The following PAPPA2 variants were observed in gnomAD, a reference collection of about 807,000 sequenced individuals.
PAPPA2 encodes pappalysin 2, also known as pappalysin-2.
A neutral mutation model predicts 176.4 loss-of-function variants in PAPPA2; 86 were observed. That is an observed-to-expected ratio of 0.49 (90% CI 0.41 to 0.58). The LOEUF (loss-of-function observed/expected upper bound fraction) is 0.58. Among genes scored for constraint, PAPPA2 ranks in the 20% least tolerant of loss-of-function variants. PAPPA2 has a pLI of 0.00. For synonymous variants in PAPPA2, 809 were observed against 852.2 expected (o/e 0.95, Z 0.88); for missense variants, 2,073 against 2,256.9 (o/e 0.92, Z 1.65).
intron 6 of PAPPA2, among the ~76,000 whole-genome samples, chr1:176,693,271 T>C (rs1660209204): frequency 1.3e-5 from 2 of 152,230 alleles, no homozygotes; most frequent in South Asian, 2.1e-4. Context: ...TTGTCTTATT[T>C]AGTCTTTGCA....
chr1:176,666,722 A>T (rs1658677265), intron 3 of PAPPA2, among the ~76,000 whole-genome samples: 1 of 151,992 alleles, frequency 6.6e-6, no homozygotes, highest in African/African-American at 2.4e-5. Context: ...ACTAAGAGTC[A>T]TGAAGATAGG....
At chr1:176,829,013 A>G (rs1369471625) in intron 21 of PAPPA2, among the ~76,000 whole-genome samples, 1 of 152,100 alleles carries the variant, frequency 6.6e-6, no homozygotes, top group Non-Finnish European at 1.5e-5. Flanking sequence ...AAAAAAATAA[A>G]TAAATAAATA....
intron 8 of PAPPA2, among the ~76,000 whole-genome samples, chr1:176,701,668 G>C (rs180820815): frequency 6.6e-6 from 1 of 152,280 alleles, no homozygotes; most frequent in Admixed American, 6.5e-5. Flanking sequence ...GAGTTGAAAA[G>C]TCTGTTAAAG....
rs56206580 is a variant in PAPPA2 at position 176,481,252 on chromosome 1, GCACACACACACACACA to G, written c.-917+17867_-917+17882del. ...TTGATTTAAGCGCTGAGATTTTAAA[GCACACACACACACACA>G]CACACACACACACACACACACACAC... On this transcript the variant is annotated intron_variant, in intron 1 of 22. Transcript: ENST00000367662. Among the ~76,000 whole-genome samples the G allele has an allele frequency of 3.7e-3, 520 of 140,310 alleles. 3 individuals are homozygous for G. Among genetic ancestry groups the G allele is most frequent in the African/African-American group, 9.7e-3 (377 of 38,708 alleles). 92.0% of individuals were successfully genotyped at this position (140,310 alleles called of 152,430 possible).
intron 3 of PAPPA2, among the ~76,000 whole-genome samples, chr1:176,611,369 A>G (rs892009213): frequency 1.3e-5 from 2 of 152,220 alleles, no homozygotes; most frequent in African/African-American, 4.8e-5. Context: ...ATTATGGGGC[A>G]TTCACAGTCC....
chr1:176,688,437 G>A (rs917119562), intron 4 of PAPPA2, among the ~76,000 whole-genome samples: 4 of 152,116 alleles, frequency 2.6e-5, no homozygotes, highest in African/African-American at 9.7e-5. Context: ...TGTTTCTCCA[G>A]GTTTATTCAA....
intron 1 of PAPPA2, among the ~76,000 whole-genome samples, chr1:176,545,066 A>G (rs1405126800): frequency 6.6e-6 from 1 of 152,154 alleles, no homozygotes; most frequent in Admixed American, 6.6e-5. Context: ...TGATTAAATC[A>G]TTAGCCGTTG....
chr1:176,468,842 T>C (rs1339737812), intron 1 of PAPPA2, among the ~76,000 whole-genome samples: 1 of 152,232 alleles, frequency 6.6e-6, no homozygotes, highest in East Asian at 1.9e-4. Context: ...TTGGGACATA[T>C]ATCCTTTAAA....
intron 3 of PAPPA2, among the ~76,000 whole-genome samples, chr1:176,601,792 C>G (rs925399340): frequency 8.5e-5 from 13 of 152,200 alleles, no homozygotes; most frequent in African/African-American, 3.1e-4. Context: ...AACTTGTCTT[C>G]CCTGACCTTT....
chr1:176,574,188 T>C (rs757134709), intron 2 of PAPPA2, among the ~76,000 whole-genome samples: 13 of 152,148 alleles, frequency 8.5e-5, no homozygotes, highest in Non-Finnish European at 1.6e-4. Flanking sequence ...GTTGAAGATA[T>C]AGGCCTATAT....
rs1047939492 is a variant in PAPPA2 at position 176,843,794 on chromosome 1, G to A, written c.*1340G>A. On this transcript the variant is annotated 3_prime_UTR_variant, in exon 23 of 23. Transcript: ENST00000367662. ...TTCCAAGTCTCCAAAGAAGACCAAA[G>A]TGGGTCCCTTGAGCAATGAAGAATC... is the stretch of plus-strand genomic sequence containing the variant. The A allele has an allele frequency of 6.6e-6, 1 of 152,108 alleles. No homozygotes were observed. Among genetic ancestry groups the A allele is most frequent in the Non-Finnish European group, 1.5e-5 (1 of 68,020 alleles). The allele number at this position is 152,108 out of a possible 1,614,324, so 9.4% of individuals were successfully genotyped here.
At chr1:176,471,976 A>G (rs1651899803) in intron 1 of PAPPA2, among the ~76,000 whole-genome samples, 1 of 152,322 alleles carries the variant, frequency 6.6e-6, no homozygotes, top group South Asian at 2.1e-4. Context: ...TGGGTGGCAC[A>G]TTAGAAAGTA....
At chr1:176,603,019 G>A (rs967729672) in intron 3 of PAPPA2, among the ~76,000 whole-genome samples, 3 of 152,166 alleles carry the variant, frequency 2.0e-5, no homozygotes, top group Non-Finnish European at 4.4e-5. Context: ...CTGGGGAGTG[G>A]TGACTGTTTT....
intron 3 of PAPPA2, among the ~76,000 whole-genome samples, chr1:176,634,349 C>G (rs1656535616): frequency 6.6e-6 from 1 of 152,068 alleles, no homozygotes; most frequent in Admixed American, 6.5e-5. Flanking sequence ...GACAAAAAAC[C>G]AAACACTGCA....
In PAPPA2 at chr1:176,692,368, T is replaced by G. The variant is rs756570079; in HGVS notation, c.2624+50T>G. On this transcript the variant is annotated intron_variant, in intron 6 of 22. Transcript: ENST00000367662. ...GAGCTGGCTTATTTCTCTGTGGCAT[T>G]TCATATGAATGAGGGGAAGAATATG... The G allele has an allele frequency of 1.3e-5, 19 of 1,495,772 alleles. No individual in the cohort carries two copies. In the South Asian group the frequency reaches 2.3e-4, roughly 18 times the overall value. 92.7% of individuals were successfully genotyped at this position (1,495,772 alleles called of 1,614,324 possible).
At position 176,710,108 on chromosome 1, in the gene PAPPA2, G is replaced by C; in HGVS notation, c.3583G>C (p.Ala1195Pro). 1 of 1,613,838 alleles carries C rather than the reference G, an allele frequency of 6.2e-7. No individual in the cohort carries two copies. Among genetic ancestry groups the C allele is most frequent in the Non-Finnish European group, 8.5e-7 (1 of 1,179,822 alleles). ...KGYLDQWATR[A>P]YSSHEDKKKC... ...ATACTTGGATCAATGGGCTACCCGGGCTTACTCCTCTCATGAAGACAAGAA... is the reference window on the plus strand; with the variant it reads ...ATACTTGGATCAATGGGCTACCCGGCCTTACTCCTCTCATGAAGACAAGAA... Residue 1195 changes from alanine (A) to proline (P), a missense_variant, in exon 11 of 23, where the codon GCT becomes CCT. Around this residue, in one of 4 missense-constraint regions of PAPPA2, gnomAD observed 846 missense variants for 857.9 expected, o/e 0.99. Transcript: ENST00000367662.
chr1:176,477,127 A>C (rs1652165872), intron 1 of PAPPA2, among the ~76,000 whole-genome samples: 1 of 152,182 alleles, frequency 6.6e-6, no homozygotes, highest in South Asian at 2.1e-4. Flanking sequence ...GTTCTGCATG[A>C]AAAAGACAGT....
At chr1:176,683,207 C>T (rs1310765013) in intron 4 of PAPPA2, among the ~76,000 whole-genome samples, 4 of 152,006 alleles carry the variant, frequency 2.6e-5, no homozygotes, top group Non-Finnish European at 5.9e-5. Flanking sequence ...TTCTAATTAG[C>T]AGATTCTTTC....
At chr1:176,821,496 A>G (rs557501805) in intron 21 of PAPPA2, among the ~76,000 whole-genome samples, 35 of 152,326 alleles carry the variant, frequency 2.3e-4, no homozygotes, top group Admixed American at 8.5e-4. Flanking sequence ...TTAAATAGCA[A>G]CTTCTCACTC....
Sources: gnomAD v4.1 joint callset for allele counts (sites outside exome capture counted in the v4.1 genomes callset) on GRCh38, gnomAD v4.1.1 for gene constraint, gnomAD v4.1.1 regional missense constraint, MANE v1.5 for transcripts, NCBI Gene and HGNC (gene_info 2026-07-23, HGNC 2026-07-21) for gene names.